PPP2R3A: variants seen among roughly 807,000 people sequenced by gnomAD.
PPP2R3A encodes serine/threonine-protein phosphatase 2A regulatory subunit B'' subunit alpha.
Under a neutral mutation model 106.9 loss-of-function variants are expected in PPP2R3A, and 80 were observed. That is an observed-to-expected ratio of 0.75 (90% CI 0.62 to 0.90). The LOEUF is 0.90. Ranked by LOEUF, PPP2R3A falls within the 40% of genes least tolerant of loss-of-function variation. PPP2R3A has a pLI of 0.00. For synonymous variants in PPP2R3A, 483 were observed against 468.3 expected, an observed-to-expected ratio of 1.03 and a Z score of -0.41; for missense variants, 1,386 against 1,350.4, an observed-to-expected ratio of 1.03 and a Z score of -0.41.
chr3:136,131,886 A>G (rs980977190), intron 13 of PPP2R3A, among the ~76,000 whole-genome samples: 2 of 152,094 alleles, frequency 1.3e-5, no homozygotes, highest in Non-Finnish European at 2.9e-5. Context: ...GCCGAAAACC[A>G]TCATTCTCAG....
chr3:136,002,430 T>C lies in PPP2R3A; in HGVS notation c.932T>C (p.Ile311Thr), dbSNP rs1414836424. ...GAGGCTCTAGATTTAACAGAACTGA[T>C]CAGTAATATGCCTAGCTTACAACTG... Reference protein sequence around the residue: ...NNEALDLTELISNMPSLQLTP... With the variant: ...NNEALDLTELTSNMPSLQLTP... The change falls in exon 2 of 14, where the codon ATC (isoleucine) becomes ACC (threonine). Residue 311 changes from isoleucine to threonine, a missense_variant. By Grantham distance (89) the Ile-to-Thr change is moderately conservative (BLOSUM62 -1). Coordinates refer to ENST00000264977, the MANE Select transcript of PPP2R3A (RefSeq NM_002718.5). 2 of 1,613,820 alleles carry C rather than the reference T, an allele frequency of 1.2e-6. No individual in the cohort carries two copies. Among genetic ancestry groups the C allele is most frequent in the African/African-American group, 1.3e-5 (1 of 74,916 alleles).
chr3:136,035,800 A>G (rs4355231), intron 3 of PPP2R3A, among the ~76,000 whole-genome samples: 1,653 of 152,274 alleles, frequency 0.011, 24 homozygotes, highest in African/African-American at 0.033. Flanking sequence ...GTTTTCCTCA[A>G]TTATTCTCCC....
chr3:136,060,223 A>G (rs958885493), intron 5 of PPP2R3A, among the ~76,000 whole-genome samples: 4 of 152,242 alleles, frequency 2.6e-5, no homozygotes, highest in African/African-American at 4.8e-5. Flanking sequence ...AGCAACATGG[A>G]TGAATTTGGA....
In PPP2R3A at chr3:135,989,603, C is replaced by T. The variant is rs139734404; in HGVS notation, c.-440-11456C>T. 4.2e-3 allele frequency among the ~76,000 whole-genome samples: 643 copies of T among 152,186 alleles called. 7 individuals are homozygous for T. The highest frequency in any genetic ancestry group is 0.014 in the African/African-American group (589 of 41,534). On this transcript the variant is annotated intron_variant, in intron 1 of 13. Coordinates refer to ENST00000264977, the MANE Select transcript of PPP2R3A (RefSeq NM_002718.5). ...GAACACAAAAAAATCTCCTGAGCTT[C>T]CATATGTCTTACCTTCTTTCTGCCT...
At position 136,090,647 on chromosome 3, in the gene PPP2R3A, A is replaced by G. The variant is rs1937073276; in HGVS notation, c.2907A>G (p.Glu969=). The change falls in exon 10 of 14, where the codon GAA becomes GAG. Residue 969 remains glutamate, a synonymous_variant. Transcript: ENST00000264977. ...TTGTTTGGTTTTTGATCTCTGAAGA[A>G]GACAAAAGGAATCCTACCAGGTATG... ...ADFVWFLISE[E]DKRNPTSIEY... 6.2e-7 allele frequency: 1 copy of G among 1,612,868 alleles called. No individual in the cohort carries two copies. Among genetic ancestry groups the G allele is most frequent in the South Asian group, 1.1e-5 (1 of 91,044 alleles).
intron 2 of PPP2R3A, among the ~76,000 whole-genome samples, chr3:136,016,451 T>C (rs1308087063): frequency 6.6e-6 from 1 of 152,176 alleles, no homozygotes; most frequent in East Asian, 1.9e-4. Flanking sequence ...TTGCTATCTG[T>C]CTCCTTTCTT....
chr3:136,129,599 C>T (rs987053582), intron 13 of PPP2R3A, among the ~76,000 whole-genome samples: 2 of 152,140 alleles, frequency 1.3e-5, no homozygotes, highest in Non-Finnish European at 2.9e-5. Flanking sequence ...CAAAGAGGAG[C>T]TGGTACCATT....
At chr3:136,030,774 A>ATGTATGTATG (rs1553745390) in intron 3 of PPP2R3A, among the ~76,000 whole-genome samples, 1 of 124,112 alleles carries the variant, frequency 8.1e-6, no homozygotes, top group African/African-American at 3.6e-5. Flanking sequence ...ATATATATAT[A>ATGTATGTATG]TATATATGTA....
chr3:136,082,504 T>C lies in PPP2R3A; in HGVS notation c.2788+83T>C, dbSNP rs1317440746. The stretch of plus-strand genomic sequence containing the variant: ...ACTACTCATTATGAGAAATTCCCGT[T>C]TGCTAAATTCTAAACCTAATCAAGT... On this transcript the variant is annotated intron_variant, in intron 8 of 13. Transcript: ENST00000264977. 11 of 1,493,002 alleles carry C rather than the reference T, an allele frequency of 7.4e-6. No homozygotes were observed. In the African/African-American group the frequency reaches 1.4e-4, roughly 19 times the overall value. The allele number at this position is 1,493,002 out of a possible 1,614,324, so 92.5% of individuals were successfully genotyped here.
intron 12 of PPP2R3A, among the ~76,000 whole-genome samples, chr3:136,104,298 T>TTGTGTGTG (rs55839641): frequency 0.012 from 1,757 of 148,744 alleles, 35 homozygotes; most frequent in African/African-American, 0.041. Flanking sequence ...GTTTCTTTCT[T>TTGTGTGTG]TGTGTGTGTG....
chr3:136,109,212 T>C (rs1937560542), intron 13 of PPP2R3A, among the ~76,000 whole-genome samples: 1 of 152,156 alleles, frequency 6.6e-6, no homozygotes, highest in African/African-American at 2.4e-5. Flanking sequence ...CAAAAGCTGA[T>C]AAGTTGGGGT....
intron 10 of PPP2R3A, among the ~76,000 whole-genome samples, chr3:136,092,993 T>TA (rs1279993238): frequency 6.6e-6 from 1 of 152,340 alleles, no homozygotes; most frequent in Admixed American, 6.5e-5. Flanking sequence ...GCTAATGCTA[T>TA]AAAAAATTCA....
intron 13 of PPP2R3A, among the ~76,000 whole-genome samples, chr3:136,114,160 G>C (rs1937650497): frequency 6.6e-6 from 1 of 152,278 alleles, no homozygotes; most frequent in East Asian, 1.9e-4. Flanking sequence ...GGAAGCAGAA[G>C]GGATCAGGGA....
At chr3:136,035,256 CTATT>C (rs1935047032) in intron 3 of PPP2R3A, among the ~76,000 whole-genome samples, 2 of 152,080 alleles carry the variant, frequency 1.3e-5, no homozygotes, top group Non-Finnish European at 2.9e-5. Flanking sequence ...ATTCATCATG[CTATT>C]TGTTTCCTGT....
chr3:136,019,422 GC>G (rs1262977537), intron 2 of PPP2R3A, among the ~76,000 whole-genome samples: 1 of 152,030 alleles, frequency 6.6e-6, no homozygotes, highest in African/African-American at 2.4e-5. Flanking sequence ...CCCCAAAACA[GC>G]TTTTCTCTTA....
intron 5 of PPP2R3A, among the ~76,000 whole-genome samples, chr3:136,063,931 G>A (rs1464970338): frequency 2.7e-4 from 41 of 150,124 alleles, no homozygotes; most frequent in African/African-American, 9.2e-4. Flanking sequence ...ATACCCAAAG[G>A]ATTATAAATC....
chr3:136,070,403 TACAG>T (rs1236984998), intron 5 of PPP2R3A, 71 bp from the exon 6 acceptor site: 14 of 1,194,616 alleles, frequency 1.2e-5, no homozygotes, highest in African/African-American at 1.1e-4. Context: ...ACTGGCAACA[TACAG>T]GAAGGAAAAA....
At position 136,146,013 on chromosome 3, in the gene PPP2R3A, A is replaced by C. The variant is rs1939106674; in HGVS notation, c.*847A>C. 1 of 152,198 alleles carries C rather than the reference A, an allele frequency of 6.6e-6. No homozygotes were observed. Among genetic ancestry groups the C allele is most frequent in the Non-Finnish European group, 1.5e-5 (1 of 68,034 alleles). 9.4% of individuals were successfully genotyped at this position (152,198 alleles called of 1,614,324 possible). A position where few individuals can be genotyped will look rare whatever the true frequency, so the allele number is the denominator to read the frequency against. ...GAAGGCCTGCTTGAAGACATAAAGG[A>C]ATAATGATACATTAAAATTCTTACT... On this transcript the variant is annotated 3_prime_UTR_variant, in exon 14 of 14. Transcript: ENST00000264977.
chr3:136,101,361 CAGA>C lies in PPP2R3A; in HGVS notation c.2928-641_2928-639del, dbSNP rs1315851410. 2.0e-5 allele frequency among the ~76,000 whole-genome samples: 3 copies of C among 152,140 alleles called. No individual in the cohort carries two copies. In the East Asian group the frequency reaches 5.8e-4, roughly 29 times the overall value. The stretch of plus-strand genomic sequence containing the variant: ...GTGTAGGTAAAGTGGTGACAAATTA[CAGA>C]AGAACTAAAGTTCAACTTTCATAAT... On this transcript the variant is annotated intron_variant, in intron 10 of 13. Transcript: ENST00000264977.
Sources: gnomAD v4.1 joint callset for allele counts (sites outside exome capture counted in the v4.1 genomes callset) on GRCh38, gnomAD v4.1.1 for gene constraint, MANE v1.5 for transcripts, NCBI Gene and HGNC (gene_info 2026-07-23, HGNC 2026-07-21) for gene names.